LRBA: variants seen among roughly 807,000 people sequenced by gnomAD.
LRBA encodes LPS responsive beige-like anchor protein.
A neutral mutation model predicts 330.0 loss-of-function variants in LRBA; 176 were observed. That is an observed-to-expected ratio of 0.53 (90% confidence interval 0.47 to 0.60). The LOEUF is 0.60. LRBA is among the 20% of genes least tolerant of loss of function. LRBA has a pLI of 0.00. For missense variants in LRBA, 3,259 were observed against 3,444.8 expected (o/e 0.95, Z 1.35); for synonymous variants, 1,230 against 1,193.0 (o/e 1.03, Z -0.64).
chr4:150,437,389 AAAC>A (rs1431759447), intron 44 of LRBA, among the ~76,000 whole-genome samples: 1 of 151,624 alleles, frequency 6.6e-6, no homozygotes, highest in Non-Finnish European at 1.5e-5. Flanking sequence ...GTGTGAGTGA[AAAC>A]AAAGGATAAA....
intron 34 of LRBA, among the ~76,000 whole-genome samples, chr4:150,766,269 T>C (rs1053753903): frequency 6.6e-6 from 1 of 152,054 alleles, no homozygotes; most frequent in African/African-American, 2.4e-5. Context: ...AGGAATATCC[T>C]TATGTTTTCA....
Position 150,908,743 on chromosome 4 carries a change from T to C in LRBA, c.1276A>G (p.Thr426Ala), listed in dbSNP as rs1181769740. The change falls in exon 10 of 57, where the codon ACA becomes GCA. Residue 426 changes from threonine to alanine, a missense_variant. Transcript: ENST00000651943. ...GATTCAAGACAAAGCTGGGCATCTG[T>C]AGCCCGTGGATTGTACGTGAATGCA... ...AIAFTYNPRA[T>A]DAQLCLESSP... 12 of 1,613,918 alleles carry C rather than the reference T, an allele frequency of 7.4e-6. No homozygotes were observed. The highest frequency in any genetic ancestry group is 1.7e-5 in the Admixed American group (1 of 60,002).
intron 28 of LRBA, chr4:150,840,882 A>G: frequency 1.0e-6 from 1 of 999,788 alleles, no homozygotes; most frequent in Non-Finnish European, 1.3e-6. Flanking sequence ...TAAAAATGAG[A>G]CTAATTGTTA....
chr4:150,582,747 A>G (rs936337431), intron 40 of LRBA: 7 of 365,858 alleles, frequency 1.9e-5, no homozygotes, highest in African/African-American at 1.4e-4. Flanking sequence ...ACATATCAAG[A>G]GAAAGCAAAA....
intron 26 of LRBA, among the ~76,000 whole-genome samples, chr4:150,848,483 G>C (rs1231991308): frequency 6.6e-6 from 1 of 150,710 alleles, no homozygotes; most frequent in Non-Finnish European, 1.5e-5. Context: ...GGAAGGATAA[G>C]GAGGCGGGAT....
chr4:150,672,363 T>G (rs1782140387), intron 37 of LRBA, among the ~76,000 whole-genome samples: 1 of 151,928 alleles, frequency 6.6e-6, no homozygotes, highest in African/African-American at 2.4e-5. Context: ...TTTTTTTTTT[T>G]TAGAAGATAC....
chr4:150,508,405 C>G (rs570777442), intron 40 of LRBA, among the ~76,000 whole-genome samples: 3 of 151,950 alleles, frequency 2.0e-5, no homozygotes, highest in African/African-American at 7.3e-5. Flanking sequence ...GCCTCAGCCT[C>G]CTGAGTAGCT....
chr4:150,834,440 T>G (rs1469246267), intron 28 of LRBA, among the ~76,000 whole-genome samples: 1 of 152,180 alleles, frequency 6.6e-6, no homozygotes, highest in Non-Finnish European at 1.5e-5. Flanking sequence ...GAAAATAACA[T>G]GAATCTCCTT....
chr4:150,410,599 T>A (rs1365368433), intron 47 of LRBA, among the ~76,000 whole-genome samples: 2 of 152,126 alleles, frequency 1.3e-5, no homozygotes, highest in Non-Finnish European at 2.9e-5. Context: ...TTTGCTATAT[T>A]AATGCCACCT....
intron 47 of LRBA, among the ~76,000 whole-genome samples, chr4:150,359,131 A>C (rs1013285864): frequency 6.6e-6 from 1 of 152,250 alleles, no homozygotes; most frequent in African/African-American, 2.4e-5. Flanking sequence ...ATCAAATTAC[A>C]TCTGCATTTA....
intron 40 of LRBA, among the ~76,000 whole-genome samples, chr4:150,527,923 T>A (rs895017373): frequency 6.6e-6 from 1 of 152,252 alleles, no homozygotes; most frequent in African/African-American, 2.4e-5. Flanking sequence ...ATTCCTGTAC[T>A]ATCACATTTC....
intron 47 of LRBA, among the ~76,000 whole-genome samples, chr4:150,383,745 G>C (rs1357859592): frequency 6.6e-6 from 1 of 152,084 alleles, no homozygotes; most frequent in African/African-American, 2.4e-5. Flanking sequence ...TTGTAGTACT[G>C]AACAAGCTTA....
rs542091606 is a variant in LRBA at position 150,451,030 on chromosome 4, A to AAAAAC, written c.6781-14171_6781-14167dup. On this transcript the variant is annotated intron_variant, in intron 44 of 56. Transcript: ENST00000651943. The stretch of plus-strand genomic sequence containing the variant: ...GAGTGACAGGGCAAGACTCTGTCTC[A>AAAAAC]AAAACAAAACAAAACAAAACAGAAC... Among the ~76,000 whole-genome samples the AAAAAC allele has an allele frequency of 2.3e-3, 345 of 152,310 alleles. 2 individuals carry two copies. The highest frequency in any genetic ancestry group is 6.8e-3 in the Middle Eastern group (2 of 294).
chr4:150,509,103 TACC>T (rs991181972), intron 40 of LRBA, among the ~76,000 whole-genome samples: 3 of 152,190 alleles, frequency 2.0e-5, no homozygotes, highest in Admixed American at 1.3e-4. Context: ...TAAACATTCT[TACC>T]ACAAGATATA....
At chr4:150,651,790 T>C (rs1779730131) in intron 37 of LRBA, among the ~76,000 whole-genome samples, 1 of 152,196 alleles carries the variant, frequency 6.6e-6, no homozygotes, top group Non-Finnish European at 1.5e-5. Flanking sequence ...ATGCTACAAA[T>C]GGTGTGAGTC....
chr4:150,592,103 A>T (rs1772920049), intron 38 of LRBA, among the ~76,000 whole-genome samples: 1 of 131,464 alleles, frequency 7.6e-6, no homozygotes, highest in Non-Finnish European at 1.6e-5. Flanking sequence ...CACCTGATCT[A>T]CCCAGGCTGC....
intron 33 of LRBA, among the ~76,000 whole-genome samples, chr4:150,805,264 GAAGGAAAGGA>G (rs1296198398): frequency 8.7e-6 from 1 of 114,342 alleles, no homozygotes; most frequent in African/African-American, 3.4e-5. Context: ...AAGGAAACGA[GAAGGAAAGGA>G]AAGGAAAGGA....
Position 150,599,040 on chromosome 4 carries a change from G to T in LRBA, c.6013C>A (p.Pro2005Thr), listed in dbSNP as rs770783203. 1.2e-6 allele frequency: 2 copies of T among 1,614,064 alleles called. No homozygotes were observed. Among genetic ancestry groups the T allele is most frequent in the Non-Finnish European group, 1.7e-6 (2 of 1,179,972 alleles). The change falls in exon 38 of 57, where the codon CCT (proline) becomes ACT (threonine). Residue 2005 changes from proline (P) to threonine (T), a missense_variant. Coordinates refer to ENST00000651943, the MANE Select transcript of LRBA (RefSeq NM_001364905.1). ...FVRNPLGSTHPEATLKTAVEH... is the reference protein window; with the variant it reads ...FVRNPLGSTHTEATLKTAVEH... ...ACGGCTGTTTTTAGTGTCGCTTCAG[G>T]ATGTGTCGATCCTAGAGGGTTACGC...
In LRBA at chr4:150,583,438, G is replaced by T. The variant is rs1200828541; in HGVS notation, c.6330+4610C>A. ...CCGCTCGCGTTTCCAGACGCTGGTG[G>T]CCCAGGCGGTGGACAAGTGCAGCTA... On this transcript the variant is annotated intron_variant, in intron 40 of 56. Transcript: ENST00000651943. This position sits in a 1 kb window ranked among gnomAD's most constrained non-coding sequence, Gnocchi z 9.8. 1 of 1,613,720 alleles carries T rather than the reference G, an allele frequency of 6.2e-7. No homozygotes were observed. Among genetic ancestry groups the T allele is most frequent in the Non-Finnish European group, 8.5e-7 (1 of 1,180,040 alleles).
Sources: gnomAD v4.1 joint callset for allele counts (sites outside exome capture counted in the v4.1 genomes callset) on GRCh38, gnomAD v4.1.1 for gene constraint, Gnocchi (gnomAD v3.1) non-coding constraint, MANE v1.5 for transcripts, NCBI Gene and HGNC (gene_info 2026-07-23, HGNC 2026-07-21) for gene names.